SSU72: variants seen among roughly 807,000 people sequenced by gnomAD.
SSU72 encodes RNA polymerase II subunit A C-terminal domain phosphatase SSU72.
A neutral mutation model predicts 22.7 loss-of-function variants in SSU72; 12 were observed. The observed-to-expected ratio is 0.53, with a 90% CI of 0.34 to 0.86. The LOEUF is 0.86. Among genes scored for constraint, SSU72 ranks in the 40% least tolerant of loss-of-function variants. SSU72 has a pLI of 0.02. For missense variants in SSU72, 151 were observed against 249.8 expected, an observed-to-expected ratio of 0.60 and a Z score of 2.67; for synonymous variants, 116 against 98.3, an observed-to-expected ratio of 1.18 and a Z score of -1.06.
intron 1 of SSU72, among the ~76,000 whole-genome samples, chr1:1,573,942 G>C (rs1642771561): frequency 6.6e-6 from 1 of 151,600 alleles, no homozygotes; most frequent in African/African-American, 2.4e-5. Context: ...ATATAAACTA[G>C]CAGAGCCAAA....
intron 2 of SSU72, among the ~76,000 whole-genome samples, chr1:1,552,610 G>A (rs967782877): frequency 1.3e-5 from 2 of 152,202 alleles, no homozygotes; most frequent in South Asian, 2.1e-4. Flanking sequence ...CCCTCAGGAC[G>A]GTGTCTCCTT....
At chr1:1,560,857 T>C (rs1642581132) in intron 2 of SSU72, 1 of 152,336 alleles carries the variant, frequency 6.6e-6, no homozygotes, top group Admixed American at 6.5e-5. Flanking sequence ...ATTTCAATAC[T>C]AATAGGACAA....
At position 1,549,740 on chromosome 1, in the gene SSU72, C is replaced by T. The variant is rs566509683; in HGVS notation, c.225-4738G>A. ...CTGTAATCCCAGCACTTTGGGAGGC[C>T]GAGGCGGGTGGATCACAAGGTCAGG... On this transcript the variant is annotated intron_variant, in intron 2 of 4. Transcript: ENST00000291386. 5.9e-5 allele frequency among the ~76,000 whole-genome samples: 9 copies of T among 151,824 alleles called. No individual in the cohort carries two copies. The East Asian group carries it at 1.6e-3, about 26-fold the overall frequency.
chr1:1,561,136 G>A (rs150545133), intron 2 of SSU72: 3,833 of 152,310 alleles, frequency 0.025, 97 homozygotes, highest in South Asian at 0.036. Flanking sequence ...CCAGGCTGGA[G>A]TGCCGTAGCG....
chr1:1,573,990 G>A (rs1642772117), intron 1 of SSU72, among the ~76,000 whole-genome samples: 1 of 151,424 alleles, frequency 6.6e-6, no homozygotes, highest in Non-Finnish European at 1.5e-5. Context: ...ACCGGTTGGA[G>A]GCGTTCCAGG....
chr1:1,543,431 G>A (rs1642349288), intron 4 of SSU72, among the ~76,000 whole-genome samples: 1 of 152,240 alleles, frequency 6.6e-6, no homozygotes, highest in Non-Finnish European at 1.5e-5. Flanking sequence ...CCTGTGTTGG[G>A]GAGGTCCCTG....
intron 1 of SSU72, among the ~76,000 whole-genome samples, chr1:1,573,429 C>CAAAAAAAAAAAAA (rs56930035): frequency 1.9e-5 from 2 of 107,452 alleles, no homozygotes; most frequent in Non-Finnish European, 5.1e-5. Flanking sequence ...GACTCTGTCT[C>CAAAAAAAAAAAAA]AAAAAAAAAA....
At chr1:1,557,333 A>T (rs1002034360) in intron 2 of SSU72, among the ~76,000 whole-genome samples, 3 of 152,058 alleles carry the variant, frequency 2.0e-5, no homozygotes, top group Admixed American at 6.6e-5. Context: ...GAATCGTTTG[A>T]ACCTGGGAGG....
At chr1:1,571,175 G>A (rs1453562963) in intron 1 of SSU72, among the ~76,000 whole-genome samples, 1 of 148,058 alleles carries the variant, frequency 6.8e-6, no homozygotes, top group Non-Finnish European at 1.5e-5. Context: ...AACCCGGGAG[G>A]CGGAGGTTGC....
At chr1:1,544,775 C>G (rs776691092) in intron 3 of SSU72, 88 bp downstream of exon 3, 2 of 1,587,526 alleles carry the variant, frequency 1.3e-6, no homozygotes, top group East Asian at 2.2e-5. Flanking sequence ...TCTAGACGGG[C>G]TGTACTGGTC....
At chr1:1,556,702 G>C (rs1365393254) in intron 2 of SSU72, among the ~76,000 whole-genome samples, 1 of 152,176 alleles carries the variant, frequency 6.6e-6, no homozygotes, top group Non-Finnish European at 1.5e-5. Context: ...GCCACACAAG[G>C]CTCAGGCCAG....
chr1:1,556,242 C>T (rs1362945849), intron 2 of SSU72, among the ~76,000 whole-genome samples: 1 of 152,214 alleles, frequency 6.6e-6, no homozygotes, highest in African/African-American at 2.4e-5. Flanking sequence ...ACCATCCTGG[C>T]TAACACGGTG....
At chr1:1,552,975 T>C (rs535345467) in intron 2 of SSU72, among the ~76,000 whole-genome samples, 4 of 148,132 alleles carry the variant, frequency 2.7e-5, no homozygotes, top group Non-Finnish European at 5.9e-5. Flanking sequence ...GAGCCGAGAT[T>C]GCGCCATTGC....
At chr1:1,547,508 G>A (rs549951522) in intron 2 of SSU72, among the ~76,000 whole-genome samples, 15 of 152,352 alleles carry the variant, frequency 9.8e-5, no homozygotes, top group African/African-American at 3.4e-4. Flanking sequence ...CCCGCCCAGA[G>A]GGCTAGACCT....
intron 2 of SSU72, among the ~76,000 whole-genome samples, chr1:1,552,060 C>A (rs1002467473): frequency 6.6e-6 from 1 of 152,246 alleles, no homozygotes. Flanking sequence ...GGCTGACCAG[C>A]GTTCCGACCC....
Position 1,542,735 on chromosome 1 carries a change from T to TGC in SSU72, c.484-569_484-568insGC, listed in dbSNP as rs1408460122. Among the ~76,000 whole-genome samples, 1 of 152,108 alleles carries TGC rather than the reference T, an allele frequency of 6.6e-6. No homozygotes were observed. The highest frequency in any genetic ancestry group is 1.5e-5 in the Non-Finnish European group (1 of 68,024). ...CTCTAAGCAAGGAGCGGCCTGTCTG[T>TGC]GACTCAGCTCTGGCCAACGTGACCC... On this transcript the variant is annotated intron_variant, in intron 4 of 4. Coordinates refer to ENST00000291386, the MANE Select transcript of SSU72 (RefSeq NM_014188.3). The surrounding 1 kb of genome is among the most constrained non-coding windows in gnomAD (Gnocchi z 4.4).
At chr1:1,547,992 G>A (rs1268442328) in intron 2 of SSU72, among the ~76,000 whole-genome samples, 4 of 152,356 alleles carry the variant, frequency 2.6e-5, no homozygotes, top group South Asian at 2.1e-4. Context: ...GACACCAGGC[G>A]GAGGGCCTGA....
chr1:1,567,512 A>T (rs1642676216), intron 1 of SSU72, among the ~76,000 whole-genome samples: 1 of 152,232 alleles, frequency 6.6e-6, no homozygotes, highest in Admixed American at 6.5e-5. Context: ...CGGAAACATG[A>T]GGTTAAAGCA....
chr1:1,543,602 TCTGTCACGGCCTCGGCCACTCCCCA>T (rs1642352179), intron 4 of SSU72, among the ~76,000 whole-genome samples: 18 of 109,946 alleles, frequency 1.6e-4, no homozygotes, highest in Admixed American at 4.6e-4. Flanking sequence ...GCCACTCCCC[TCTGTCACGGCCTCGGCCACTCCCCA>T]CTGTCACGGC....
Sources: gnomAD v4.1 joint callset for allele counts (sites outside exome capture counted in the v4.1 genomes callset) on GRCh38, gnomAD v4.1.1 for gene constraint, Gnocchi (gnomAD v3.1) non-coding constraint, MANE v1.5 for transcripts, NCBI Gene and HGNC (gene_info 2026-07-23, HGNC 2026-07-21) for gene names.